PPM1L: variants seen among roughly 807,000 people sequenced by gnomAD.
The protein encoded by PPM1L is protein phosphatase, Mg2+/Mn2+ dependent 1L, also known as protein phosphatase 1L.
PPM1L carries 13 observed loss-of-function variants against 31.4 expected under a neutral mutation model. The observed-to-expected ratio is 0.41, with a 90% CI of 0.27 to 0.66. The LOEUF (loss-of-function observed/expected upper bound fraction) is 0.66. Among genes scored for constraint, PPM1L ranks in the 30% least tolerant of loss-of-function variants. The probability of loss-of-function intolerance (pLI) is 0.29; values close to 1 mark genes in which losing one functional copy is unlikely to be tolerated. For synonymous variants in PPM1L, 184 were observed against 175.4 expected (o/e 1.05, Z -0.39); for missense variants, 326 against 453.7 (o/e 0.72, Z 2.56).
In PPM1L at chr3:161,037,886, A is replaced by G. The variant is rs552221715; in HGVS notation, c.575-27517A>G. Among the ~76,000 whole-genome samples the G allele has an allele frequency of 4.6e-4, 70 of 152,172 alleles. 1 individual carries two copies. The South Asian group carries it at 0.013, about 28-fold the overall frequency. On this transcript the variant is annotated intron_variant, in intron 2 of 3. Transcript: ENST00000498165. Reference sequence around the variant, plus strand: ...TCTTAAGCTGCAATTATGTTGAATGAATCTATCTTGTGTTCATTTCTTCAG... The same window carrying G: ...TCTTAAGCTGCAATTATGTTGAATGGATCTATCTTGTGTTCATTTCTTCAG...
chr3:160,986,463 T>C (rs758955696), intron 2 of PPM1L, among the ~76,000 whole-genome samples: 100 of 152,186 alleles, frequency 6.6e-4, no homozygotes, highest in Non-Finnish European at 1.2e-3. Flanking sequence ...AGGTACAAAA[T>C]GATTTCTTTA....
chr3:160,980,732 A>G (rs13090728), intron 2 of PPM1L, among the ~76,000 whole-genome samples: 20 of 130,802 alleles, frequency 1.5e-4, no homozygotes, highest in South Asian at 2.5e-4. Context: ...GAGAGAGAGA[A>G]AAAGAAAGAG....
chr3:160,864,391 G>A (rs748277892), intron 1 of PPM1L, among the ~76,000 whole-genome samples: 34 of 152,186 alleles, frequency 2.2e-4, no homozygotes, highest in Admixed American at 3.9e-4. Context: ...TGCCCAGGCT[G>A]GTCTCAAACA....
At chr3:160,940,592 C>T (rs570442784) in intron 1 of PPM1L, among the ~76,000 whole-genome samples, 24 of 152,332 alleles carry the variant, frequency 1.6e-4, no homozygotes, top group Admixed American at 6.5e-4. Context: ...AGCCCCAAGC[C>T]TTGGCAGCTT....
At chr3:160,945,997 A>G (rs1027420532) in intron 1 of PPM1L, among the ~76,000 whole-genome samples, 4 of 152,150 alleles carry the variant, frequency 2.6e-5, no homozygotes, top group African/African-American at 4.8e-5. Flanking sequence ...TCATTCAACA[A>G]TAGGTTATTA....
At chr3:161,060,088 CTAAA>C (rs944998645) in intron 2 of PPM1L, among the ~76,000 whole-genome samples, 30 of 152,118 alleles carry the variant, frequency 2.0e-4, no homozygotes, top group African/African-American at 3.9e-4. Context: ...AAGACTGACA[CTAAA>C]TAAATAAATA....
chr3:160,936,176 G>A (rs924545326), intron 1 of PPM1L, among the ~76,000 whole-genome samples: 16 of 151,998 alleles, frequency 1.1e-4, no homozygotes, highest in African/African-American at 2.4e-4. Flanking sequence ...TGCAACCTCC[G>A]CCTTCCAGGT....
At chr3:160,859,883 G>C (rs1323708544) in intron 1 of PPM1L, among the ~76,000 whole-genome samples, 1 of 152,268 alleles carries the variant, frequency 6.6e-6, no homozygotes, top group East Asian at 1.9e-4. Context: ...ACTTGGATGC[G>C]GAAGCCTCTG....
At chr3:161,031,841 A>G (rs532310005) in intron 2 of PPM1L, among the ~76,000 whole-genome samples, 20 of 152,236 alleles carry the variant, frequency 1.3e-4, no homozygotes, top group African/African-American at 4.8e-4. Context: ...GCAGTCCATG[A>G]GGAGGTTTTA....
intron 2 of PPM1L, among the ~76,000 whole-genome samples, chr3:161,058,482 T>A (rs1719485393): frequency 6.6e-6 from 1 of 152,014 alleles, no homozygotes; most frequent in Non-Finnish European, 1.5e-5. Flanking sequence ...TTTAGTCATT[T>A]AGTCATTCAG....
At chr3:160,836,386 C>CA (rs1713717469) in intron 1 of PPM1L, among the ~76,000 whole-genome samples, 1 of 151,994 alleles carries the variant, frequency 6.6e-6, no homozygotes, top group Admixed American at 6.6e-5. Context: ...GAATAGTGGG[C>CA]AGGGGACTTC....
At chr3:161,066,331 T>TA (rs1411307173) in intron 3 of PPM1L, among the ~76,000 whole-genome samples, 1 of 152,188 alleles carries the variant, frequency 6.6e-6, no homozygotes, top group East Asian at 1.9e-4. Context: ...TCATGAAACT[T>TA]ACATTCTGAA....
At chr3:160,962,261 TA>T (rs1404732896) in intron 2 of PPM1L, among the ~76,000 whole-genome samples, 1 of 65,802 alleles carries the variant, frequency 1.5e-5, no homozygotes, top group Non-Finnish European at 6.5e-5. Flanking sequence ...GTGTTAATAT[TA>T]GATATTTTCT....
intron 1 of PPM1L, among the ~76,000 whole-genome samples, chr3:160,761,139 G>C (rs1432689832): frequency 6.6e-6 from 1 of 152,110 alleles, no homozygotes; most frequent in Non-Finnish European, 1.5e-5. Context: ...CCAGAAAAAA[G>C]GACATGCATA....
At chr3:160,925,070 T>C (rs760412288) in intron 1 of PPM1L, among the ~76,000 whole-genome samples, 3 of 152,188 alleles carry the variant, frequency 2.0e-5, no homozygotes, top group Non-Finnish European at 4.4e-5. Context: ...CAAATTCAAG[T>C]TGTAAAAAGC....
At chr3:161,064,475 G>A (rs1719666848) in intron 2 of PPM1L, among the ~76,000 whole-genome samples, 1 of 152,274 alleles carries the variant, frequency 6.6e-6, no homozygotes, top group Non-Finnish European at 1.5e-5. Flanking sequence ...AATGAGGAAG[G>A]AAACGTTAAT....
rs1713761347 is a variant in PPM1L, at chr3:160,906,524, C to T, written c.400-55212C>T. Among the ~76,000 whole-genome samples, 3 of 152,300 alleles carry T rather than the reference C, an allele frequency of 2.0e-5. No individual in the cohort carries two copies. The South Asian group carries it at 6.2e-4, about 32-fold the overall frequency. ...GGCTGAGGCAGGAGAATTGCTTGAA[C>T]CTGGGAGGCGGCGGTTGCAGTGAGC... is the stretch of plus-strand genomic sequence containing the variant. On this transcript the variant is annotated intron_variant, in intron 1 of 3. Transcript: ENST00000498165.
intron 1 of PPM1L, among the ~76,000 whole-genome samples, chr3:160,849,681 C>T (rs1172743008): frequency 6.6e-6 from 1 of 152,040 alleles, no homozygotes; most frequent in Non-Finnish European, 1.5e-5. Flanking sequence ...GCCTCAGCCT[C>T]CCGAGTATCT....
At chr3:160,759,255 A>G (rs775881407) in intron 1 of PPM1L, among the ~76,000 whole-genome samples, 17 of 152,324 alleles carry the variant, frequency 1.1e-4, no homozygotes, top group Admixed American at 4.6e-4. Context: ...TGCAGACGAT[A>G]AATGAGGAGT....
Sources: gnomAD v4.1 joint callset for allele counts (sites outside exome capture counted in the v4.1 genomes callset) on GRCh38, gnomAD v4.1.1 for gene constraint, MANE v1.5 for transcripts, NCBI Gene and HGNC (gene_info 2026-07-23, HGNC 2026-07-21) for gene names.